Variants in DNM2 observed in about 807,000 individuals in gnomAD.
DNM2 encodes dynamin 2.
Under a neutral mutation model 99.0 loss-of-function variants are expected in DNM2, and 15 were observed. The ratio of observed to expected loss-of-function variants is 0.15; its 90% confidence interval spans 0.10 to 0.23. The LOEUF is 0.23. Among genes scored for constraint, DNM2 ranks in the 10% least tolerant of loss-of-function variants. DNM2 has a pLI of 1.00. For synonymous variants in DNM2, 525 were observed against 481.2 expected, an observed-to-expected ratio of 1.09 and a Z score of -1.19; for missense variants, 742 against 1,189.4, an observed-to-expected ratio of 0.62 and a Z score of 5.53.
Position 10,830,759 on chromosome 19 carries a change from G to T in DNM2, c.2544-219G>T, listed in dbSNP as rs768464547. The stretch of plus-strand genomic sequence containing the variant: ...CCACTTCTCCGGTGGGGAAGCTGAG[G>T]CCCAGGGAGGGCAGGGGGCTCACTG... On this transcript the variant is annotated intron_variant, in intron 20 of 20. Transcript: ENST00000389253. This position sits in a 1 kb window ranked among gnomAD's most constrained non-coding sequence, Gnocchi z 4.8. Among the ~76,000 whole-genome samples, 52 of 152,154 alleles carry T rather than the reference G, an allele frequency of 3.4e-4. No individual in the cohort carries two copies. The highest frequency in any genetic ancestry group is 1.3e-4 in the Admixed American group (2 of 15,288).
At position 10,825,674 on chromosome 19, in the gene DNM2, A is replaced by AAG. The variant is rs561156273; in HGVS notation, c.2058+471_2058+472dup. ...ACAGAGTGAGACTCCGTCTCAAGAAAAGAGAGAGAGAGAGAGAGAAAAATA... is the reference window on the plus strand; with the variant it reads ...ACAGAGTGAGACTCCGTCTCAAGAAAAGAGAGAGAGAGAGAGAGAGAAAAATA... On this transcript the variant is annotated intron_variant, in intron 18 of 20. Transcript: ENST00000389253. Among the ~76,000 whole-genome samples, 124 of 139,132 alleles carry AAG rather than the reference A, an allele frequency of 8.9e-4. 1 individual carries two copies. Among genetic ancestry groups the AAG allele is most frequent in the African/African-American group, 2.5e-3 (94 of 37,874 alleles). 91.3% of individuals were successfully genotyped at this position (139,132 alleles called of 152,430 possible).
intron 1 of DNM2, among the ~76,000 whole-genome samples, chr19:10,730,166 G>A (rs1241860619): frequency 6.6e-6 from 1 of 152,004 alleles, no homozygotes; most frequent in African/African-American, 2.4e-5. Flanking sequence ...TCCCAGCCAC[G>A]TGCATATATT....
intron 4 of DNM2, among the ~76,000 whole-genome samples, chr19:10,776,361 T>C (rs976063015): frequency 6.6e-6 from 1 of 152,160 alleles, no homozygotes; most frequent in Admixed American, 6.5e-5. Context: ...TCCCTTCGAG[T>C]TGACACCCCT....
At chr19:10,822,603 A>G (rs1202944168) in intron 16 of DNM2, among the ~76,000 whole-genome samples, 1 of 151,460 alleles carries the variant, frequency 6.6e-6, no homozygotes, top group East Asian at 2.0e-4. Context: ...GGTTTAAGCG[A>G]TTCTCCTGCC....
At chr19:10,733,220 C>T (rs2069399472) in intron 1 of DNM2, among the ~76,000 whole-genome samples, 1 of 139,642 alleles carries the variant, frequency 7.2e-6, no homozygotes, top group African/African-American at 2.7e-5. Context: ...GAGACAGGGT[C>T]CCACTCTTTC....
intron 7 of DNM2, among the ~76,000 whole-genome samples, chr19:10,791,649 GT>G (rs2071757329): frequency 6.6e-6 from 1 of 152,292 alleles, no homozygotes; most frequent in East Asian, 1.9e-4. Context: ...GGTGTGCTTT[GT>G]CCCCTGTGGC....
At chr19:10,738,312 A>G (rs971781897) in intron 1 of DNM2, among the ~76,000 whole-genome samples, 69 of 152,152 alleles carry the variant, frequency 4.5e-4, no homozygotes, top group African/African-American at 1.4e-3. Flanking sequence ...TTTCATTGAG[A>G]TCAGTATCAA....
intron 1 of DNM2, among the ~76,000 whole-genome samples, chr19:10,746,839 C>T (rs1363523239): frequency 6.8e-6 from 1 of 146,504 alleles, no homozygotes; most frequent in East Asian, 2.0e-4. Flanking sequence ...TGGGTTCAAG[C>T]GGTTTTCCTG....
Position 10,806,754 on chromosome 19 carries a change from C to T in DNM2, c.1545+787C>T, listed in dbSNP as rs572402368. Reference sequence around the variant, plus strand: ...GTTGCAGTGAGCCAAGATTGCGCCACCGCACTCCAGTGTGGGTGACAGGGC... The same window carrying T: ...GTTGCAGTGAGCCAAGATTGCGCCATCGCACTCCAGTGTGGGTGACAGGGC... On this transcript the variant is annotated intron_variant, in intron 13 of 20. Transcript: ENST00000389253. 6.5e-4 allele frequency among the ~76,000 whole-genome samples: 99 copies of T among 152,206 alleles called. 2 individuals are homozygous for T. The highest frequency in any genetic ancestry group is 3.4e-3 in the Middle Eastern group (1 of 294).
intron 1 of DNM2, among the ~76,000 whole-genome samples, chr19:10,722,592 C>T (rs1330370488): frequency 1.3e-5 from 2 of 152,028 alleles, no homozygotes; most frequent in Non-Finnish European, 2.9e-5. Flanking sequence ...ATCCGTCCAC[C>T]TCGGCCTCCC....
chr19:10,800,676 G>T (rs1043958856), intron 11 of DNM2, among the ~76,000 whole-genome samples: 13 of 152,376 alleles, frequency 8.5e-5, no homozygotes, highest in Middle Eastern at 3.4e-3. Flanking sequence ...ACTGGCCAAG[G>T]GCCAGGGGAG....
Position 10,796,296 on chromosome 19 carries a change from G to A in DNM2, c.1196+857G>A, listed in dbSNP as rs2071930988. ...CAGCGCCTCATTGGCCCCCACTGGT[G>A]CCTTTTCTCCCCATATCGCTTTGTG... On this transcript the variant is annotated intron_variant, in intron 9 of 20. Coordinates refer to ENST00000389253, the MANE Select transcript of DNM2 (RefSeq NM_001005361.3). The surrounding 1 kb of genome is among the most constrained non-coding windows in gnomAD (Gnocchi z 5.6). The A allele has an allele frequency of 6.4e-7, 1 of 1,570,090 alleles. No homozygotes were observed. The highest frequency in any genetic ancestry group is 8.7e-7 in the Non-Finnish European group (1 of 1,144,928).
chr19:10,827,948 T>C (rs1339536755), intron 18 of DNM2, among the ~76,000 whole-genome samples: 1 of 152,030 alleles, frequency 6.6e-6, no homozygotes, highest in Non-Finnish European at 1.5e-5. Flanking sequence ...ATAAAATTCA[T>C]GAACAGAAAC....
rs868050161 is a variant in DNM2, at chr19:10,805,936, A to C, written c.1514A>C (p.Gln505Pro). 1 of 1,614,100 alleles carries C rather than the reference A, an allele frequency of 6.2e-7. No individual in the cohort carries two copies. Residue 505 changes from glutamine (Q) to proline (P), a missense_variant, in exon 13 of 21, where the codon CAG becomes CCG. Around this residue, in one of 7 missense-constraint regions of DNM2, gnomAD observed 240 missense variants for 431.3 expected, o/e 0.56. Transcript: ENST00000389253. ...TTCAGTGCCCAGCAGAGGAGCACGC[A>C]GCTGAACAAGAAGAGAGCCATCCCC... is the stretch of plus-strand genomic sequence containing the variant. The part of the protein sequence containing the change: ...GFANAQQRST[Q>P]LNKKRAIPNQ...
intron 1 of DNM2, among the ~76,000 whole-genome samples, chr19:10,750,751 C>T (rs1358875400): frequency 1.3e-5 from 2 of 151,882 alleles, no homozygotes; most frequent in African/African-American, 4.8e-5. Context: ...GCCAAAATGG[C>T]AAAACCCCAT....
chr19:10,786,560 G>C lies in DNM2; in HGVS notation c.850-4G>C, dbSNP rs1356861705. 1 of 1,613,888 alleles carries C rather than the reference G, an allele frequency of 6.2e-7. No homozygotes were observed. Among genetic ancestry groups the C allele is most frequent in the Non-Finnish European group, 8.5e-7 (1 of 1,180,020 alleles). ...CTTTCTGATCTCTGACCTCTCTCCT[G>C]CAGCAACTGACCAACCACATCCGGG... is the stretch of plus-strand genomic sequence containing the variant. On this transcript the variant is annotated splice_polypyrimidine_tract_variant and splice_region_variant and intron_variant, in intron 6 of 20. Coordinates refer to ENST00000389253, the MANE Select transcript of DNM2 (RefSeq NM_001005361.3).
chr19:10,769,062 A>G (rs2070892533), intron 2 of DNM2, among the ~76,000 whole-genome samples: 1 of 152,070 alleles, frequency 6.6e-6, no homozygotes, highest in South Asian at 2.1e-4. Flanking sequence ...TGGGGGAACG[A>G]TGGCGCCCAC....
At chr19:10,829,662 G>A (rs1227127756) in intron 19 of DNM2, among the ~76,000 whole-genome samples, 4 of 152,168 alleles carry the variant, frequency 2.6e-5, no homozygotes, top group Admixed American at 6.5e-5. Context: ...AGCTGCTGCC[G>A]CCCCTGAGTT....
Position 10,798,522 on chromosome 19 carries a change from C to A in DNM2, c.1372C>A (p.Arg458=), listed in dbSNP as rs745748213. Residue 458 remains arginine (R), a synonymous_variant, in exon 11 of 21, where the codon CGA becomes AGA. Coordinates refer to ENST00000389253, the MANE Select transcript of DNM2 (RefSeq NM_001005361.3). ...CCCCCGGTTGCGAGAGGAGACAGAG[C>A]GAATCGTCACCACTTACATCCGGGA... is the stretch of plus-strand genomic sequence containing the variant. ...SYPRLREETE[R]IVTTYIRERE... is the part of the protein sequence containing the mutation. 26 of 1,614,060 alleles carry A rather than the reference C, an allele frequency of 1.6e-5. No individual in the cohort carries two copies. The highest frequency in any genetic ancestry group is 1.9e-5 in the Non-Finnish European group (23 of 1,180,042).
Sources: allele counts gnomAD v4.1 joint callset (sites outside exome capture counted in the v4.1 genomes callset), GRCh38; gene constraint gnomAD v4.1.1; regional missense constraint gnomAD v4.1.1; non-coding constraint Gnocchi (gnomAD v3.1); transcripts MANE v1.5; gene names NCBI Gene and HGNC (gene_info 2026-07-23, HGNC 2026-07-21).